Variants in LRRC3B observed in about 807,000 individuals in gnomAD.
LRRC3B encodes the protein leucine rich repeat containing 3B, also known as leucine-rich repeat-containing protein 3B.
A neutral mutation model predicts 12.8 loss-of-function variants in LRRC3B; 2 were observed. The ratio of observed to expected loss-of-function variants is 0.16; its 90% CI spans 0.06 to 0.49. LRRC3B has a LOEUF of 0.49. Among genes scored for constraint, LRRC3B ranks in the 20% least tolerant of loss-of-function variants. The pLI, the probability that LRRC3B is intolerant of heterozygous loss-of-function variation, is 0.96. For missense variants in LRRC3B, 189 were observed against 319.4 expected (o/e 0.59, Z 3.11); for synonymous variants, 132 against 122.0 (o/e 1.08, Z -0.54).
At chr3:26,696,616 CTG>C (rs1700325022) in intron 1 of LRRC3B, among the ~76,000 whole-genome samples, 1 of 152,180 alleles carries the variant, frequency 6.6e-6, no homozygotes, top group South Asian at 2.1e-4. Context: ...TTGCTTTTCA[CTG>C]TTAGACTTGT....
intron 1 of LRRC3B, among the ~76,000 whole-genome samples, chr3:26,636,832 C>G (rs186967824): frequency 0.043 from 3,768 of 87,572 alleles, 284 homozygotes; most frequent in East Asian, 0.11. Context: ...CTCCCTCCCT[C>G]CCTCCCTGCC....
chr3:26,650,876 C>CA (rs1482983809), intron 1 of LRRC3B, among the ~76,000 whole-genome samples: 6 of 152,166 alleles, frequency 3.9e-5, no homozygotes, highest in African/African-American at 1.4e-4. Context: ...AGGCATAGCT[C>CA]ATGTCTCCAG....
At chr3:26,679,494 T>C (rs1189707871) in intron 1 of LRRC3B, among the ~76,000 whole-genome samples, 1 of 152,224 alleles carries the variant, frequency 6.6e-6, no homozygotes, top group African/African-American at 2.4e-5. Flanking sequence ...TTCCTTCTCC[T>C]GGAGCTCTGT....
intron 1 of LRRC3B, among the ~76,000 whole-genome samples, chr3:26,623,487 T>G (rs1174262473): frequency 6.6e-6 from 1 of 152,126 alleles, no homozygotes. Context: ...TTGTGACCCC[T>G]TCCCTGCGCG....
intron 1 of LRRC3B, among the ~76,000 whole-genome samples, chr3:26,688,533 G>C (rs1376646256): frequency 6.6e-6 from 1 of 152,154 alleles, no homozygotes; most frequent in Non-Finnish European, 1.5e-5. Flanking sequence ...TTCTGGGGAG[G>C]CCTCAGGAAA....
chr3:26,628,390 A>C (rs150934496), intron 1 of LRRC3B, among the ~76,000 whole-genome samples: 145 of 148,812 alleles, frequency 9.7e-4, no homozygotes, highest in African/African-American at 3.5e-3. Flanking sequence ...CTAAATAATA[A>C]GGTTCTGTAG....
intron 1 of LRRC3B, among the ~76,000 whole-genome samples, chr3:26,628,651 A>G: frequency 6.6e-6 from 1 of 152,082 alleles, no homozygotes; most frequent in Middle Eastern, 3.4e-3. Flanking sequence ...ATATCTACAT[A>G]TACTTTATAA....
At chr3:26,634,384 A>G (rs1698821526) in intron 1 of LRRC3B, among the ~76,000 whole-genome samples, 1 of 152,174 alleles carries the variant, frequency 6.6e-6, no homozygotes, top group South Asian at 2.1e-4. Flanking sequence ...GAATGTCCTC[A>G]CCTGCCTTGT....
At chr3:26,667,615 G>A (rs981145771) in intron 1 of LRRC3B, among the ~76,000 whole-genome samples, 3 of 152,122 alleles carry the variant, frequency 2.0e-5, no homozygotes, top group Admixed American at 1.3e-4. Context: ...CACATTCCAT[G>A]GAATTGGATA....
intron 1 of LRRC3B, among the ~76,000 whole-genome samples, chr3:26,629,857 G>A (rs906524040): frequency 1.8e-4 from 27 of 152,042 alleles, no homozygotes; most frequent in African/African-American, 6.5e-4. Context: ...CCTGTGAAAG[G>A]GGTATGGTGT....
intron 1 of LRRC3B, among the ~76,000 whole-genome samples, chr3:26,649,709 TG>T (rs758281212): frequency 3.0e-4 from 45 of 152,322 alleles, no homozygotes; most frequent in South Asian, 1.0e-3. Context: ...CACTTTAATT[TG>T]GTTACTTCCT....
At chr3:26,703,107 A>G (rs895104987) in intron 1 of LRRC3B, among the ~76,000 whole-genome samples, 47 of 152,268 alleles carry the variant, frequency 3.1e-4, no homozygotes, top group African/African-American at 1.1e-3. Context: ...TATGCAATTT[A>G]TTCACTTGAA....
At position 26,648,853 on chromosome 3, in the gene LRRC3B, A is replaced by T. The variant is rs546750060; in HGVS notation, c.-161+25616A>T. Among the ~76,000 whole-genome samples the T allele has an allele frequency of 5.9e-5, 9 of 152,354 alleles. No homozygotes were observed. The South Asian group carries it at 1.9e-3, about 32-fold the overall frequency. ...GACTCTGCCTTAACATCAGCAAATG[A>T]TCTGTAATAAAGACAATGAGTATAC... On this transcript the variant is annotated intron_variant, in intron 1 of 1. Transcript: ENST00000396641.
chr3:26,629,165 C>T (rs1489934350), intron 1 of LRRC3B, among the ~76,000 whole-genome samples: 1 of 151,906 alleles, frequency 6.6e-6, no homozygotes, highest in Non-Finnish European at 1.5e-5. Context: ...CTTTTATTCT[C>T]TTTTCCTCCT....
At chr3:26,687,051 G>T (rs1700103071) in intron 1 of LRRC3B, among the ~76,000 whole-genome samples, 1 of 152,132 alleles carries the variant, frequency 6.6e-6, no homozygotes, top group South Asian at 2.1e-4. Context: ...ACCCTTTGTT[G>T]CAGGGTCATC....
chr3:26,674,058 T>C (rs1280626805), intron 1 of LRRC3B, among the ~76,000 whole-genome samples: 1 of 152,198 alleles, frequency 6.6e-6, no homozygotes, highest in Admixed American at 6.5e-5. Context: ...TTAATATAAA[T>C]CATTTAAATC....
intron 1 of LRRC3B, among the ~76,000 whole-genome samples, chr3:26,662,345 G>A (rs1168120969): frequency 6.6e-6 from 1 of 152,098 alleles, no homozygotes; most frequent in Non-Finnish European, 1.5e-5. Context: ...CATCTGATAT[G>A]CATGAGTATG....
At chr3:26,668,159 C>CTTT (rs1413723691) in intron 1 of LRRC3B, among the ~76,000 whole-genome samples, 3 of 152,026 alleles carry the variant, frequency 2.0e-5, no homozygotes, top group Non-Finnish European at 4.4e-5. Context: ...GGTTAGTTTT[C>CTTT]TTTTTTCCCT....
chr3:26,625,384 C>T (rs987402062), intron 1 of LRRC3B: 2 of 152,362 alleles, frequency 1.3e-5, no homozygotes, highest in African/African-American at 4.8e-5. Context: ...CTCCAGAGCC[C>T]CAAGGAGCAG....
Sources: allele counts gnomAD v4.1 joint callset (sites outside exome capture counted in the v4.1 genomes callset), GRCh38; gene constraint gnomAD v4.1.1; transcripts MANE v1.5; gene names NCBI Gene and HGNC (gene_info 2026-07-23, HGNC 2026-07-21).